Variants in FAM171A1 observed in about 807,000 individuals in gnomAD.
The protein encoded by FAM171A1 is protein FAM171A1.
FAM171A1 carries 23 observed loss-of-function variants against 74.9 expected under a neutral mutation model. The ratio of observed to expected loss-of-function variants is 0.31; its 90% CI spans 0.22 to 0.44. The LOEUF (loss-of-function observed/expected upper bound fraction) is 0.44. FAM171A1 is among the 20% of genes least tolerant of loss of function. The probability of loss-of-function intolerance (pLI) is 1.00; values close to 1 mark genes in which losing one functional copy is unlikely to be tolerated. For synonymous variants in FAM171A1, 527 were observed against 505.7 expected (o/e 1.04, Z -0.57); for missense variants, 1,162 against 1,159.2 (o/e 1.00, Z -0.03).
chr10:15,252,411 T>C (rs1266472785), intron 4 of FAM171A1, among the ~76,000 whole-genome samples: 1 of 152,222 alleles, frequency 6.6e-6, no homozygotes, highest in Non-Finnish European at 1.5e-5. Flanking sequence ...TTCTGCGTCT[T>C]CGGGAGATGA....
intron 1 of FAM171A1, among the ~76,000 whole-genome samples, chr10:15,360,312 C>A (rs1835978996): frequency 6.6e-6 from 1 of 152,140 alleles, no homozygotes; most frequent in Non-Finnish European, 1.5e-5. Flanking sequence ...AGCTTCTGAC[C>A]CATGTAAATG....
rs115747932 is a variant in FAM171A1, at chr10:15,313,328, G to C, written c.98-29223C>G. ...GCCACTCACTTTCCAGCCCTGGGCA[G>C]CCAGCCCATTCCATGCCTGTGTGGT... On this transcript the variant is annotated intron_variant, in intron 1 of 7. Transcript: ENST00000378116. Among the ~76,000 whole-genome samples the C allele has an allele frequency of 5.9e-3, 902 of 152,344 alleles. 7 individuals are homozygous for C. The highest frequency in any genetic ancestry group is 0.02 in the African/African-American group (850 of 41,584).
chr10:15,287,154 C>T (rs371604834), intron 1 of FAM171A1, among the ~76,000 whole-genome samples: 82 of 138,576 alleles, frequency 5.9e-4, no homozygotes, highest in African/African-American at 2.0e-3. Context: ...TGCAGTGGTG[C>T]GATCTCGGCT....
rs1834459051 is a variant in FAM171A1, at chr10:15,248,169, A to AC, written c.754+469dup. 6.6e-5 allele frequency among the ~76,000 whole-genome samples: 10 copies of AC among 152,306 alleles called. No individual in the cohort carries two copies. In the South Asian group the frequency reaches 2.1e-3, roughly 32 times the overall value. ...CGTGCACTGTGAAAGCCCTAGAAGG[A>AC]CAGAATTCAAGATATATTAGTGGTT... On this transcript the variant is annotated intron_variant, in intron 5 of 7. Transcript: ENST00000378116.
At chr10:15,361,668 G>A (rs1835996117) in intron 1 of FAM171A1, among the ~76,000 whole-genome samples, 1 of 152,078 alleles carries the variant, frequency 6.6e-6, no homozygotes, top group South Asian at 2.1e-4. Flanking sequence ...GGGTGACAGA[G>A]CAAGACTCTG....
chr10:15,246,898 C>A (rs1300924348), intron 5 of FAM171A1, among the ~76,000 whole-genome samples: 1 of 152,234 alleles, frequency 6.6e-6, no homozygotes, highest in Non-Finnish European at 1.5e-5. Flanking sequence ...GCTGCCAAGA[C>A]CCTCAGCCCG....
chr10:15,314,367 C>T (rs1163698277), intron 1 of FAM171A1, among the ~76,000 whole-genome samples: 1 of 152,208 alleles, frequency 6.6e-6, no homozygotes, highest in African/African-American at 2.4e-5. Context: ...ACCCCAGGCA[C>T]TTGCAGAGTT....
At chr10:15,225,868 C>A (rs1018617283) in intron 5 of FAM171A1, among the ~76,000 whole-genome samples, 7 of 152,218 alleles carry the variant, frequency 4.6e-5, no homozygotes, top group African/African-American at 1.4e-4. Context: ...TTGGGATGCT[C>A]CTGGGTGAGG....
At chr10:15,270,398 G>C (rs2131792164) in intron 3 of FAM171A1, among the ~76,000 whole-genome samples, 1 of 152,338 alleles carries the variant, frequency 6.6e-6, no homozygotes, top group East Asian at 1.9e-4. Context: ...ACTGGGTGGA[G>C]CTCACCACAG....
At chr10:15,303,771 T>G (rs1835261019) in intron 1 of FAM171A1, among the ~76,000 whole-genome samples, 2 of 152,218 alleles carry the variant, frequency 1.3e-5, no homozygotes, top group African/African-American at 4.8e-5. Context: ...AAATAATCAC[T>G]TGGCTCAGAC....
rs996901987 is a variant in FAM171A1 at position 15,213,697 on chromosome 10, A to T, written c.1891T>A (p.Ser631Thr). 5.6e-6 allele frequency: 9 copies of T among 1,612,642 alleles called. No homozygotes were observed. Among genetic ancestry groups the T allele is most frequent in the Non-Finnish European group, 5.9e-6 (7 of 1,179,094 alleles). The change falls in exon 8 of 8, where the codon TCA (serine) becomes ACA (threonine). Residue 631 changes from serine to threonine, a missense_variant. Physicochemically the swap from Ser to Thr is moderately conservative, Grantham distance 58. Transcript: ENST00000378116. The surrounding 1 kb of genome is among the most constrained non-coding windows in gnomAD (Gnocchi z 6.8). ...PHAGIFPHPS[S>T]QIQPQPLSSQ... The stretch of plus-strand genomic sequence containing the variant: ...GACAGGGGCTGGGGCTGGATCTGTG[A>T]GGACGGGTGTGGGAAGATCCCGGCA...
chr10:15,362,517 C>A (rs935276792), intron 1 of FAM171A1, among the ~76,000 whole-genome samples: 3 of 152,168 alleles, frequency 2.0e-5, no homozygotes, highest in Non-Finnish European at 4.4e-5. Context: ...ACCAGGCTGG[C>A]CCGTCTCTAC....
intron 5 of FAM171A1, among the ~76,000 whole-genome samples, chr10:15,233,555 T>TGTGC (rs1004126514): frequency 6.7e-6 from 1 of 149,154 alleles, no homozygotes; most frequent in Non-Finnish European, 1.5e-5. Context: ...TGTGTGTGTG[T>TGTGC]GCATGTGTGT....
At chr10:15,349,662 G>A (rs1034337366) in intron 1 of FAM171A1, among the ~76,000 whole-genome samples, 1 of 152,096 alleles carries the variant, frequency 6.6e-6, no homozygotes, top group Admixed American at 6.5e-5. Flanking sequence ...ACACTTTTAG[G>A]ACTTGGAAAG....
At chr10:15,309,057 T>C (rs1835329100) in intron 1 of FAM171A1, among the ~76,000 whole-genome samples, 1 of 152,238 alleles carries the variant, frequency 6.6e-6, no homozygotes, top group Non-Finnish European at 1.5e-5. Context: ...AACTATTCCT[T>C]ATTGCAAACC....
At chr10:15,244,409 T>C (rs1332924364) in intron 5 of FAM171A1, among the ~76,000 whole-genome samples, 1 of 152,162 alleles carries the variant, frequency 6.6e-6, no homozygotes, top group East Asian at 1.9e-4. Context: ...CTCCCAGTTC[T>C]TCAGGGGGCT....
At chr10:15,351,592 GATGC>G (rs545881071) in intron 1 of FAM171A1, among the ~76,000 whole-genome samples, 72 of 54,490 alleles carry the variant, frequency 1.3e-3, no homozygotes, top group African/African-American at 3.5e-3. Context: ...TGGATGGATG[GATGC>G]ATGGATGGAT....
At chr10:15,230,716 T>G (rs1045281848) in intron 5 of FAM171A1, among the ~76,000 whole-genome samples, 1 of 152,228 alleles carries the variant, frequency 6.6e-6, no homozygotes, top group Admixed American at 6.5e-5. Context: ...GAAGCAGTTA[T>G]GGGAAACCAC....
chr10:15,305,779 A>C (rs1835287377), intron 1 of FAM171A1, among the ~76,000 whole-genome samples: 1 of 152,210 alleles, frequency 6.6e-6, no homozygotes, highest in Middle Eastern at 3.4e-3. Flanking sequence ...TGTACATCCA[A>C]TATGCAAATT....
Sources: gnomAD v4.1 joint callset for allele counts (sites outside exome capture counted in the v4.1 genomes callset) on GRCh38, gnomAD v4.1.1 for gene constraint, Gnocchi (gnomAD v3.1) non-coding constraint, MANE v1.5 for transcripts, NCBI Gene and HGNC (gene_info 2026-07-23, HGNC 2026-07-21) for gene names.